CD109: variants seen among roughly 807,000 people sequenced by gnomAD.
CD109 encodes the protein CD109 molecule.
CD109 carries 149 observed loss-of-function variants against 165.8 expected under a neutral mutation model. That is an observed-to-expected ratio of 0.90 (90% CI 0.79 to 1.03). CD109 has a LOEUF of 1.03. CD109 is among the 50% of genes least tolerant of loss of function. The probability of loss-of-function intolerance (pLI) is 0.00; values close to 1 mark genes in which losing one functional copy is unlikely to be tolerated. For synonymous variants in CD109, 585 were observed against 592.1 expected (o/e 0.99, Z 0.18); for missense variants, 1,712 against 1,677.8 (o/e 1.02, Z -0.36).
At chr6:73,809,950 A>T (rs745497887) in intron 26 of CD109, 34 bp from the exon 27 acceptor site, 8 of 1,534,276 alleles carry the variant, frequency 5.2e-6, no homozygotes, top group Non-Finnish European at 7.0e-6. Context: ...TTTTCTGGAT[A>T]ATTGATCAGA....
chr6:73,698,235 G>A (rs1365297240), intron 2 of CD109, among the ~76,000 whole-genome samples: 2 of 152,236 alleles, frequency 1.3e-5, no homozygotes, highest in South Asian at 2.1e-4. Flanking sequence ...GCCAATGAAT[G>A]TCTTCTTTTT....
chr6:73,802,106 T>C (rs1775375278), intron 23 of CD109, among the ~76,000 whole-genome samples: 1 of 152,062 alleles, frequency 6.6e-6, no homozygotes, highest in African/African-American at 2.4e-5. Context: ...TTTGCAAATA[T>C]GAAACATCTG....
At chr6:73,812,729 A>G (rs1775796329) in intron 29 of CD109, among the ~76,000 whole-genome samples, 1 of 152,138 alleles carries the variant, frequency 6.6e-6, no homozygotes. Flanking sequence ...CAGAAAGAAA[A>G]TATAAAGAAA....
At chr6:73,779,729 G>A (rs537863767) in intron 15 of CD109, among the ~76,000 whole-genome samples, 15 of 151,836 alleles carry the variant, frequency 9.9e-5, no homozygotes, top group Admixed American at 2.6e-4. Flanking sequence ...CAGTCCTTTT[G>A]TGTATATACC....
At chr6:73,738,292 T>A (rs1875368) in intron 5 of CD109, among the ~76,000 whole-genome samples, 7,622 of 152,290 alleles carry the variant, frequency 0.05, 372 homozygotes, top group East Asian at 0.21. Flanking sequence ...CTTCAGTTCT[T>A]CTGATTCCAT....
At chr6:73,773,183 A>G (rs1360777144) in intron 15 of CD109, among the ~76,000 whole-genome samples, 2 of 150,504 alleles carry the variant, frequency 1.3e-5, no homozygotes, top group African/African-American at 4.9e-5. Context: ...ACATTTATAT[A>G]TGTGTGTTAT....
Position 73,814,983 on chromosome 6 carries a change from C to T in CD109, c.3771C>T (p.Leu1257=), listed in dbSNP as rs1403138278. Residue 1257 remains leucine, a splice_region_variant and synonymous_variant, in exon 30 of 33, where the codon CTC becomes CTT. Transcript: ENST00000287097. ...ANGFGFAICQ[L]NVVYNVKASG... ...TTATGCTAGTTTATTTTTTACAGCTCAATGTTGTATATAATGTGAAGGCTT... is the reference window on the plus strand; with the variant it reads ...TTATGCTAGTTTATTTTTTACAGCTTAATGTTGTATATAATGTGAAGGCTT... 3 of 1,517,378 alleles carry T rather than the reference C, an allele frequency of 2.0e-6. No individual in the cohort carries two copies. Among genetic ancestry groups the T allele is most frequent in the East Asian group, 2.5e-5 (1 of 39,890 alleles). The allele number at this position is 1,517,378 out of a possible 1,614,324, so 94.0% of individuals were successfully genotyped here. A position where few individuals can be genotyped will look rare whatever the true frequency, so the allele number is the denominator to read the frequency against.
At chr6:73,762,268 A>AT in intron 7 of CD109, 116 bp from the exon 8 acceptor site, 1 of 733,882 alleles carries the variant, frequency 1.4e-6, no homozygotes, top group Non-Finnish European at 2.3e-6. Flanking sequence ...GCCCAATGTA[A>AT]TTTTTTAAAA....
At chr6:73,808,400 C>T in intron 26 of CD109, 152 bp downstream of exon 26, 1 of 706,878 alleles carries the variant, frequency 1.4e-6, no homozygotes. Flanking sequence ...CTGACATGGC[C>T]ACAATGCTTC....
intron 15 of CD109, 85 bp from the exon 16 acceptor site, chr6:73,780,339 G>T: frequency 1.2e-6 from 1 of 831,466 alleles, no homozygotes; most frequent in Non-Finnish European, 2.1e-6. Flanking sequence ...TAAACATGAA[G>T]GCTAAGTCTT....
At chr6:73,695,153 A>G (rs1770774558), upstream of CD109, 1 of 152,266 alleles carries the variant, frequency 6.6e-6, no homozygotes, top group African/African-American at 2.4e-5. Context: ...TACCATCTAA[A>G]ACCGCTCCAT....
the CD109 span, among the ~76,000 whole-genome samples, chr6:73,689,045 C>T: frequency 2.0e-5 from 3 of 152,200 alleles, no homozygotes; most frequent in Non-Finnish European, 4.4e-5. Flanking sequence ...GCTGGGATTA[C>T]AGGCATGAGC....
In CD109 at chr6:73,791,160, T is replaced by TATATATATATACACATACAC. The variant is rs1774930623; in HGVS notation, c.2702-1455_2702-1454insCACATACACATATATATATA. ...ACATATATATATATATATATATATATATATATATATATATATACACACACA... is the reference window on the plus strand; with the variant it reads ...ACATATATATATATATATATATATATATATATATATACACATACACATATATATATATATATACACACACA... On this transcript the variant is annotated intron_variant, in intron 22 of 32. Coordinates refer to ENST00000287097, the MANE Select transcript of CD109 (RefSeq NM_133493.5). Among the ~76,000 whole-genome samples the TATATATATATACACATACAC allele has an allele frequency of 5.1e-4, 17 of 33,410 alleles. No individual in the cohort carries two copies. In the East Asian group the frequency reaches 5.3e-3, roughly 10 times the overall value. The allele number at this position is 33,410 out of a possible 152,430, so 21.9% of individuals were successfully genotyped here. A position where few individuals can be genotyped will look rare whatever the true frequency, so the allele number is the denominator to read the frequency against.
At chr6:73,735,362 G>A (rs1002039359) in intron 4 of CD109, among the ~76,000 whole-genome samples, 5 of 152,178 alleles carry the variant, frequency 3.3e-5, no homozygotes, top group South Asian at 2.1e-4. Flanking sequence ...TCAGATTTGC[G>A]TTTCAGATGG....
At chr6:73,725,723 GGCTGGTCTTGAACTTCCAAC>G (rs1437079271) in intron 3 of CD109, among the ~76,000 whole-genome samples, 5 of 151,828 alleles carry the variant, frequency 3.3e-5, no homozygotes, top group Non-Finnish European at 7.4e-5. Flanking sequence ...ATGTTGGTCT[GGCTGGTCTTGAACTTCCAAC>G]CTCAAGTAAT....
intron 5 of CD109, among the ~76,000 whole-genome samples, chr6:73,739,273 A>G (rs2173853): frequency 0.32 from 48,405 of 152,012 alleles, 7,706 homozygotes; most frequent in Admixed American, 0.36. Context: ...CCCTTAAAAA[A>G]AAGAGCCCTT....
At chr6:73,685,186 G>C in the CD109 span, among the ~76,000 whole-genome samples, 3 of 152,138 alleles carry the variant, frequency 2.0e-5, no homozygotes, top group Non-Finnish European at 4.4e-5. Context: ...ATAGGCATGA[G>C]CCACTGTGCC....
intron 5 of CD109, among the ~76,000 whole-genome samples, chr6:73,756,047 T>A (rs1773378265): frequency 6.6e-6 from 1 of 152,152 alleles, no homozygotes; most frequent in Non-Finnish European, 1.5e-5. Flanking sequence ...CACGTTTTCT[T>A]GTTGATTGTG....
chr6:73,818,666 C>A, intron 31 of CD109, 131 bp downstream of exon 31: 1 of 749,776 alleles, frequency 1.3e-6, no homozygotes, highest in South Asian at 1.8e-5. Flanking sequence ...ATGAGTTTAA[C>A]ATGGCAACCA....
Sources: allele counts gnomAD v4.1 joint callset (sites outside exome capture counted in the v4.1 genomes callset), GRCh38; gene constraint gnomAD v4.1.1; transcripts MANE v1.5; gene names NCBI Gene and HGNC (gene_info 2026-07-23, HGNC 2026-07-21).